SEMA3D: variants seen among roughly 807,000 people sequenced by gnomAD.
The protein encoded by SEMA3D is semaphorin-3D.
Under a neutral mutation model 100.1 loss-of-function variants are expected in SEMA3D, and 84 were observed. The observed-to-expected ratio is 0.84, with a 90% CI of 0.70 to 1.01. The LOEUF (loss-of-function observed/expected upper bound fraction) is 1.01. Among genes scored for constraint, SEMA3D ranks in the 50% least tolerant of loss-of-function variants. The pLI, the probability that SEMA3D is intolerant of heterozygous loss-of-function variation, is 0.00. For missense variants in SEMA3D, 875 were observed against 934.1 expected (o/e 0.94, Z 0.82); for synonymous variants, 312 against 320.7 (o/e 0.97, Z 0.29).
At chr7:85,094,179 T>C (rs1788481116) in intron 4 of SEMA3D, among the ~76,000 whole-genome samples, 1 of 151,642 alleles carries the variant, frequency 6.6e-6, no homozygotes, top group Non-Finnish European at 1.5e-5. Context: ...GAGAGAACAA[T>C]GAATAGTTAA....
At chr7:85,168,840 AGAAAGAAAGAAAG>A (rs1209389905) in intron 1 of SEMA3D, among the ~76,000 whole-genome samples, 2 of 62,194 alleles carry the variant, frequency 3.2e-5, no homozygotes, top group South Asian at 7.7e-4. Flanking sequence ...AAAGAAAGAA[AGAAAGAAAGAAAG>A]AAAGAAAGAA....
At chr7:85,117,894 T>G (rs970462324) in intron 3 of SEMA3D, among the ~76,000 whole-genome samples, 44 of 151,022 alleles carry the variant, frequency 2.9e-4, no homozygotes, top group African/African-American at 9.9e-4. Flanking sequence ...TTTGTAGATA[T>G]ATATAGATAT....
the SEMA3D span, among the ~76,000 whole-genome samples, chr7:85,198,749 GT>G: frequency 3.4e-3 from 486 of 141,410 alleles, 5 homozygotes; most frequent in African/African-American, 0.012. Flanking sequence ...TGTTTTTAAA[GT>G]TTTTTATTAA....
At chr7:85,136,478 C>T (rs1353757185) in intron 2 of SEMA3D, among the ~76,000 whole-genome samples, 1 of 152,082 alleles carries the variant, frequency 6.6e-6, no homozygotes, top group Non-Finnish European at 1.5e-5. Context: ...TATCATCTAT[C>T]TATTGATCAA....
At chr7:85,072,920 AT>A in intron 6 of SEMA3D, 41 bp downstream of exon 6, 1 of 1,486,516 alleles carries the variant, frequency 6.7e-7, no homozygotes, top group Non-Finnish European at 9.2e-7. Flanking sequence ...GTAGTAATGT[AT>A]TACAATAAAT....
chr7:85,231,849 T>C, the SEMA3D span, among the ~76,000 whole-genome samples: 1 of 152,130 alleles, frequency 6.6e-6, no homozygotes, highest in Non-Finnish European at 1.5e-5. Context: ...GTTAGAGGCA[T>C]TCACATTGGC....
chr7:85,122,766 C>G (rs1275849080), intron 2 of SEMA3D, among the ~76,000 whole-genome samples: 1 of 152,048 alleles, frequency 6.6e-6, no homozygotes, highest in Non-Finnish European at 1.5e-5. Context: ...TTACCTGAAA[C>G]CTGTATTATT....
chr7:85,181,319 AACACACACACACACACACAC>A (rs3076567), intron 1 of SEMA3D, among the ~76,000 whole-genome samples: 1 of 93,592 alleles, frequency 1.1e-5, no homozygotes, highest in Non-Finnish European at 2.1e-5. Context: ...ACATGCTCAC[AACACACACACACACACACAC>A]ACACACACAC....
At chr7:85,040,522 A>AT (rs1790828382) in intron 11 of SEMA3D, 151 bp downstream of exon 11, 1 of 582,512 alleles carries the variant, frequency 1.7e-6, no homozygotes, top group Non-Finnish European at 3.1e-6. Context: ...ATATTAAATG[A>AT]TTTTTAAGGA....
In SEMA3D at chr7:85,145,879, TTTC is replaced by T. The variant is rs537149258; in HGVS notation, c.-41+7726_-41+7728del. Among the ~76,000 whole-genome samples the T allele has an allele frequency of 3.5e-3, 535 of 152,276 alleles. 3 individuals are homozygous for T. Among genetic ancestry groups the T allele is most frequent in the African/African-American group, 0.012 (507 of 41,572 alleles). On this transcript the variant is annotated intron_variant, in intron 2 of 18. Coordinates refer to ENST00000284136, the MANE Select transcript of SEMA3D (RefSeq NM_001384900.1). ...ACTCACCTCTTCCCCTATACATTTT[TTTC>T]TTCTATAAACTTTAAATCATATCCA...
intron 9 of SEMA3D, among the ~76,000 whole-genome samples, chr7:85,045,423 A>G (rs1790980547): frequency 1.3e-5 from 2 of 152,018 alleles, no homozygotes; most frequent in African/African-American, 2.4e-5. Flanking sequence ...AAGAAAATGT[A>G]TAATATATTC....
At chr7:85,174,400 A>G (rs1409469168) in intron 1 of SEMA3D, among the ~76,000 whole-genome samples, 1 of 152,120 alleles carries the variant, frequency 6.6e-6, no homozygotes, top group Non-Finnish European at 1.5e-5. Context: ...AGCAATATAA[A>G]TATATGGGAA....
chr7:85,087,809 C>T (rs573418023), intron 4 of SEMA3D, among the ~76,000 whole-genome samples: 2 of 152,112 alleles, frequency 1.3e-5, no homozygotes, highest in African/African-American at 4.8e-5. Flanking sequence ...TCATGCTAAC[C>T]TTGGAAGGCT....
intron 2 of SEMA3D, among the ~76,000 whole-genome samples, chr7:85,131,029 G>A (rs145720625): frequency 3.0e-4 from 46 of 152,116 alleles, no homozygotes; most frequent in African/African-American, 1.0e-3. Context: ...GTAAAGCACC[G>A]CACCCTGCCC....
chr7:85,170,771 T>G (rs1371622475), intron 1 of SEMA3D, among the ~76,000 whole-genome samples: 1 of 152,026 alleles, frequency 6.6e-6, no homozygotes, highest in African/African-American at 2.4e-5. Flanking sequence ...TGTTCAAAAA[T>G]ATTCAGTGGT....
the SEMA3D span, among the ~76,000 whole-genome samples, chr7:85,242,999 T>C: frequency 1.3e-5 from 2 of 152,122 alleles, no homozygotes; most frequent in Admixed American, 1.3e-4. Context: ...TATATAGTTT[T>C]ACGGATAGGT....
At chr7:85,185,170 T>G in intron 1 of SEMA3D, among the ~76,000 whole-genome samples, 2 of 152,086 alleles carry the variant, frequency 1.3e-5, no homozygotes, top group East Asian at 3.9e-4. Context: ...GCCCTTCACA[T>G]TTTTCTTTCC....
intron 2 of SEMA3D, among the ~76,000 whole-genome samples, chr7:85,136,196 T>G (rs776245256): frequency 6.6e-6 from 1 of 152,160 alleles, no homozygotes; most frequent in Non-Finnish European, 1.5e-5. Flanking sequence ...GAGCAACGAA[T>G]TCTTGATTAT....
the SEMA3D span, among the ~76,000 whole-genome samples, chr7:85,222,406 A>T: frequency 6.6e-6 from 1 of 152,080 alleles, no homozygotes; most frequent in Admixed American, 6.6e-5. Flanking sequence ...CACTATACAT[A>T]TATTACATAT....
Sources: allele counts gnomAD v4.1 joint callset (sites outside exome capture counted in the v4.1 genomes callset), GRCh38; gene constraint gnomAD v4.1.1; transcripts MANE v1.5; gene names NCBI Gene and HGNC (gene_info 2026-07-23, HGNC 2026-07-21).